The following ARMC9 variants were observed in gnomAD, a reference collection of about 807,000 sequenced individuals.
ARMC9 encodes armadillo repeat containing 9.
ARMC9 carries 94 observed loss-of-function variants against 107.0 expected under a neutral mutation model. The observed-to-expected ratio is 0.88, with a 90% CI of 0.74 to 1.04. The LOEUF (loss-of-function observed/expected upper bound fraction) is 1.04, where lower values mean the gene tolerates loss of function less well. ARMC9 is among the 50% of genes least tolerant of loss of function. The pLI is 0.00. For synonymous variants in ARMC9, 380 were observed against 396.9 expected (o/e 0.96, Z 0.51); for missense variants, 942 against 1,030.1 (o/e 0.91, Z 1.17).
intron 6 of ARMC9, 28 bp from the exon 7 acceptor site, chr2:231,226,746 G>A (rs1268229954): frequency 1.2e-6 from 2 of 1,611,974 alleles, no homozygotes; most frequent in South Asian, 1.1e-5. Context: ...CTGAATGCCT[G>A]TTTTCCTGAA....
intron 22 of ARMC9, among the ~76,000 whole-genome samples, chr2:231,359,171 C>T (rs1031748644): frequency 3.3e-5 from 5 of 151,090 alleles, no homozygotes; most frequent in Non-Finnish European, 5.9e-5. Context: ...CTGCAAACTC[C>T]GCCTCCCGGG....
chr2:231,353,980 TACACAC>T lies in ARMC9; in HGVS notation c.1995-1787_1995-1782del, dbSNP rs35433958. Among the ~76,000 whole-genome samples the T allele has an allele frequency of 2.2e-3, 301 of 135,368 alleles. 1 individual carries two copies. Among genetic ancestry groups the T allele is most frequent in the African/African-American group, 7.6e-3 (242 of 32,044 alleles). The allele number at this position is 135,368 out of a possible 152,430, so 88.8% of individuals were successfully genotyped here. Reference sequence around the variant, plus strand: ...TAACAATGCAGCATATATGTATATATACACACACACACACACACACACACACACACA... The same window carrying T: ...TAACAATGCAGCATATATGTATATATACACACACACACACACACACACACA... On this transcript the variant is annotated intron_variant, in intron 21 of 24. Transcript: ENST00000611582.
At chr2:231,298,945 G>A (rs1478398655) in intron 19 of ARMC9, among the ~76,000 whole-genome samples, 1 of 152,068 alleles carries the variant, frequency 6.6e-6, no homozygotes, top group African/African-American at 2.4e-5. Context: ...AAAAAAGTGG[G>A]GGGCTGTAGT....
At chr2:231,239,025 T>C (rs1047163475) in intron 8 of ARMC9, among the ~76,000 whole-genome samples, 1 of 152,096 alleles carries the variant, frequency 6.6e-6, no homozygotes, top group Non-Finnish European at 1.5e-5. Context: ...TACTGCCATA[T>C]GGAAGTTCCC....
At chr2:231,288,616 T>C (rs1365494073) in intron 17 of ARMC9, 2 of 471,086 alleles carry the variant, frequency 4.2e-6, no homozygotes, top group Non-Finnish European at 8.8e-6. Context: ...GTGCGTGTTG[T>C]CAGGCTCTGG....
intron 19 of ARMC9, among the ~76,000 whole-genome samples, chr2:231,308,374 G>A (rs779683385): frequency 5.9e-5 from 9 of 152,186 alleles, no homozygotes; most frequent in Non-Finnish European, 1.0e-4. Flanking sequence ...TAGCTGGTGG[G>A]ACAGAGATTT....
intron 4 of ARMC9, 195 bp downstream of exon 4, chr2:231,215,196 TTAA>T: frequency 1.7e-6 from 1 of 584,630 alleles, no homozygotes; most frequent in Non-Finnish European, 2.8e-6. Flanking sequence ...CTATGGAGAT[TTAA>T]TAATTTCTGT....
chr2:231,198,661 G>C lies in ARMC9; in HGVS notation c.-79G>C, dbSNP rs1448933839. ...GGTGACGGCTGCGGAGGTGGCGGCC[G>C]GGCTGGGATAGCGCGAGTGTCCGCG... On this transcript the variant is annotated 5_prime_UTR_variant, in exon 1 of 25. Coordinates refer to ENST00000611582, the MANE Select transcript of ARMC9 (RefSeq NM_001352754.2). 2.0e-5 allele frequency: 3 copies of C among 152,262 alleles called. No individual in the cohort carries two copies. The highest frequency in any genetic ancestry group is 4.8e-5 in the African/African-American group (2 of 41,564). The allele number at this position is 152,262 out of a possible 1,614,324, so 9.4% of individuals were successfully genotyped here.
At chr2:231,316,010 A>G (rs936969338) in intron 19 of ARMC9, among the ~76,000 whole-genome samples, 1 of 152,188 alleles carries the variant, frequency 6.6e-6, no homozygotes, top group Non-Finnish European at 1.5e-5. Context: ...CTGATTTATT[A>G]CTGGTCAAAT....
intron 14 of ARMC9, among the ~76,000 whole-genome samples, chr2:231,274,477 A>G (rs888162844): frequency 2.6e-5 from 4 of 152,154 alleles, no homozygotes; most frequent in South Asian, 2.1e-4. Context: ...TTTTTGGCCA[A>G]TATGCATAAT....
intron 19 of ARMC9, among the ~76,000 whole-genome samples, chr2:231,325,510 A>G (rs1232583338): frequency 6.6e-6 from 1 of 152,102 alleles, no homozygotes; most frequent in Non-Finnish European, 1.5e-5. Context: ...CCTTGGTGAA[A>G]CTGTGATTCC....
chr2:231,371,101 G>A (rs1366933162), intron 24 of ARMC9: 3 of 472,408 alleles, frequency 6.4e-6, no homozygotes, highest in East Asian at 6.5e-5. Context: ...CAGAGGAGGT[G>A]CAGCAAATCC....
chr2:231,245,345 C>T lies in ARMC9; in HGVS notation c.879+5304C>T, dbSNP rs150126574. On this transcript the variant is annotated intron_variant, in intron 9 of 24. Coordinates refer to ENST00000611582, the MANE Select transcript of ARMC9 (RefSeq NM_001352754.2). ...GTTTTCTAAGATTACGCAAGTCACG[C>T]GGGTGTGTTCGTTTGCAGGGAACGC... Among the ~76,000 whole-genome samples, 629 of 152,254 alleles carry T rather than the reference C, an allele frequency of 4.1e-3. 2 individuals carry two copies. The highest frequency in any genetic ancestry group is 0.015 in the African/African-American group (609 of 41,542).
chr2:231,213,721 T>G (rs1443197764), intron 3 of ARMC9, among the ~76,000 whole-genome samples: 5 of 151,630 alleles, frequency 3.3e-5, no homozygotes, highest in Non-Finnish European at 7.4e-5. Flanking sequence ...GTGATCCACC[T>G]GCCTTGGCCT....
At chr2:231,312,885 G>A (rs997342385) in intron 19 of ARMC9, among the ~76,000 whole-genome samples, 7 of 152,268 alleles carry the variant, frequency 4.6e-5, no homozygotes, top group African/African-American at 1.7e-4. Context: ...ATTCGGTTCA[G>A]GCTTGCTTTT....
intron 11 of ARMC9, among the ~76,000 whole-genome samples, chr2:231,261,821 C>T (rs13415839): frequency 0.41 from 61,773 of 150,838 alleles, 14,921 homozygotes; most frequent in African/African-American, 0.68. Context: ...TAGGACATCA[C>T]AGGTTCTTTT....
At chr2:231,242,973 G>T (rs529949310) in intron 9 of ARMC9, among the ~76,000 whole-genome samples, 1 of 152,084 alleles carries the variant, frequency 6.6e-6, no homozygotes, top group Non-Finnish European at 1.5e-5. Flanking sequence ...TAGGCCAGGC[G>T]TGGTGGCTCA....
At chr2:231,233,533 T>C (rs1182270927) in intron 7 of ARMC9, among the ~76,000 whole-genome samples, 2 of 152,094 alleles carry the variant, frequency 1.3e-5, no homozygotes, top group Non-Finnish European at 2.9e-5. Context: ...TCCCAGCACT[T>C]TGGGGGGCCG....
At position 231,376,033 on chromosome 2, in the gene ARMC9, T is replaced by G. The variant is rs900836979; in HGVS notation, c.*4498T>G. Among the ~76,000 whole-genome samples the G allele has an allele frequency of 1.1e-4, 17 of 152,214 alleles. No homozygotes were observed. The highest frequency in any genetic ancestry group is 2.1e-4 in the Non-Finnish European group (14 of 68,028). ...GTCTCTAAACATAAGTTGTGAATATTTCATGGACACTTATCACTTCCCCAG... is the reference window on the plus strand; with the variant it reads ...GTCTCTAAACATAAGTTGTGAATATGTCATGGACACTTATCACTTCCCCAG... On this transcript the variant is annotated 3_prime_UTR_variant, in exon 25 of 25. Coordinates refer to ENST00000611582, the MANE Select transcript of ARMC9 (RefSeq NM_001352754.2).
Sources: allele counts gnomAD v4.1 joint callset (sites outside exome capture counted in the v4.1 genomes callset), GRCh38; gene constraint gnomAD v4.1.1; transcripts MANE v1.5; gene names NCBI Gene and HGNC (gene_info 2026-07-23, HGNC 2026-07-21).